Variants in IL17RA observed in about 807,000 individuals in gnomAD.
IL17RA encodes interleukin-17 receptor A.
IL17RA carries 34 observed loss-of-function variants against 50.4 expected under a neutral mutation model. The ratio of observed to expected loss-of-function variants is 0.67; its 90% CI spans 0.51 to 0.90. IL17RA has a LOEUF of 0.90. Ranked by LOEUF, IL17RA falls within the 40% of genes least tolerant of loss-of-function variation. IL17RA has a pLI of 0.00. For synonymous variants in IL17RA, 585 were observed against 510.4 expected, an observed-to-expected ratio of 1.15 and a Z score of -1.97; for missense variants, 1,276 against 1,169.8, an observed-to-expected ratio of 1.09 and a Z score of -1.32.
At chr22:17,091,540 G>A (rs532996719) in intron 1 of IL17RA, among the ~76,000 whole-genome samples, 12 of 152,186 alleles carry the variant, frequency 7.9e-5, no homozygotes, top group South Asian at 4.1e-4. Flanking sequence ...TTAGCCAGGC[G>A]TGGTGGTGGC....
In IL17RA at chr22:17,085,196, C is replaced by G. The variant is rs887188602; in HGVS notation, c.105C>G (p.Leu35=). The G allele has an allele frequency of 2.4e-5, 37 of 1,531,568 alleles. No individual in the cohort carries two copies. The highest frequency in any genetic ancestry group is 2.9e-5 in the Non-Finnish European group (33 of 1,143,930). 94.9% of individuals were successfully genotyped at this position (1,531,568 alleles called of 1,614,324 possible). The change falls in exon 1 of 13, where the codon CTC becomes CTG. Residue 35 remains leucine, a synonymous_variant. Transcript: ENST00000319363. The part of the protein sequence containing the change: ...VLAPGGASLR[L]LDHRALVCSQ... ...CCCCGGGTGGCGCCTCCCTGCGACTCCTGGACCACCGGGCGCTGGTCTGCT... is the reference window on the plus strand; with the variant it reads ...CCCCGGGTGGCGCCTCCCTGCGACTGCTGGACCACCGGGCGCTGGTCTGCT...
At chr22:17,098,069 G>A in intron 3 of IL17RA, 126 bp downstream of exon 3, 1 of 1,104,116 alleles carries the variant, frequency 9.1e-7, no homozygotes, top group South Asian at 1.3e-5. Context: ...AGTGCTATAA[G>A]GATCCGTCAT....
At position 17,100,444 on chromosome 22, in the gene IL17RA, G is replaced by T. The variant is rs1376665244; in HGVS notation, c.513G>T (p.Gly171=). The change falls in exon 5 of 13, where the codon GGG becomes GGT. Residue 171 remains glycine (G), a synonymous_variant. Transcript: ENST00000319363. Reference sequence around the variant, plus strand: ...ACCTGCCCAAGCCCATCCCTGATGGGGACCCAAACCACCAGTCCAAGAATT... The same window carrying T: ...ACCTGCCCAAGCCCATCCCTGATGGTGACCCAAACCACCAGTCCAAGAATT... The part of the protein sequence containing the change: ...VHHLPKPIPD[G]DPNHQSKNFL... The T allele has an allele frequency of 6.2e-7, 1 of 1,614,094 alleles. No individual in the cohort carries two copies. Among genetic ancestry groups the T allele is most frequent in the Non-Finnish European group, 8.5e-7 (1 of 1,180,014 alleles).
intron 3 of IL17RA, 74 bp from the exon 4 acceptor site, chr22:17,098,701 T>C: frequency 8.6e-7 from 1 of 1,168,682 alleles, no homozygotes; most frequent in East Asian, 2.4e-5. Flanking sequence ...CCGCAACAGA[T>C]AGGGAAGTGA....
chr22:17,103,623 C>T, intron 8 of IL17RA, 46 bp downstream of exon 8: 1 of 1,459,854 alleles, frequency 6.9e-7, no homozygotes, highest in Non-Finnish European at 9.5e-7. Flanking sequence ...AAACAGGTGG[C>T]AATTATAGAG....
At chr22:17,094,677 C>CTATATATATATGTGTATATATA in intron 1 of IL17RA, among the ~76,000 whole-genome samples, 1 of 49,346 alleles carries the variant, frequency 2.0e-5, no homozygotes, top group African/African-American at 9.9e-5. Context: ...CTCTCTCTCT[C>CTATATATATATGTGTATATATA]TCTCTCTCTC....
chr22:17,108,132 C>T (rs1175681604), intron 12 of IL17RA, among the ~76,000 whole-genome samples, 175 bp from the exon 13 acceptor site: 4 of 152,224 alleles, frequency 2.6e-5, no homozygotes, highest in Non-Finnish European at 5.9e-5. Flanking sequence ...TTTTTTCAGG[C>T]AGCCAAAGGT....
In IL17RA at chr22:17,109,658, A is replaced by G. The variant is rs1555874969; in HGVS notation, c.2439A>G (p.Glu813=). Residue 813 remains glutamate (E), a synonymous_variant, in exon 13 of 13, where the codon GAA becomes GAG. Coordinates refer to ENST00000319363, the MANE Select transcript of IL17RA (RefSeq NM_014339.7). ...QPPEGLTEME[E]EEEEEQDPGK... is the part of the protein sequence containing the mutation. ...CCGAGGGACTCACGGAAATGGAGGA[A>G]GAGGAGGAAGAGGAGCAGGACCCAG... 1 of 1,600,754 alleles carries G rather than the reference A, an allele frequency of 6.2e-7. No homozygotes were observed. The highest frequency in any genetic ancestry group is 8.5e-7 in the Non-Finnish European group (1 of 1,174,522).
At position 17,108,689 on chromosome 22, in the gene IL17RA, C is replaced by A. The variant is rs1256430189; in HGVS notation, c.1470C>A (p.Phe490Leu). Residue 490 changes from phenylalanine (F) to leucine (L), a missense_variant, in exon 13 of 13, where the codon TTC (phenylalanine) becomes TTA (leucine). Physicochemically the swap from Phe to Leu is conservative, Grantham distance 22 (BLOSUM62 0). Transcript: ENST00000319363. ...TAAMNMILPD[F>L]KRPACFGTYV... ...CCATGAACATGATCCTCCCGGACTTCAAGAGGCCAGCCTGCTTCGGCACCT... is the reference window on the plus strand; with the variant it reads ...CCATGAACATGATCCTCCCGGACTTAAAGAGGCCAGCCTGCTTCGGCACCT... 6.2e-7 allele frequency: 1 copy of A among 1,609,258 alleles called. No individual in the cohort carries two copies. Among genetic ancestry groups the A allele is most frequent in the East Asian group, 2.2e-5 (1 of 44,870 alleles).
At chr22:17,107,588 C>T (rs573182234) in intron 11 of IL17RA, 139 bp from the exon 12 acceptor site, 2 of 749,470 alleles carry the variant, frequency 2.7e-6, no homozygotes, top group East Asian at 2.6e-5. Context: ...GTGCGACCAC[C>T]TAGCACGGCC....
rs768788527 is a variant in IL17RA at position 17,109,416 on chromosome 22, C to A, written c.2197C>A (p.Pro733Thr). The A allele has an allele frequency of 6.2e-7, 1 of 1,613,316 alleles. No homozygotes were observed. The highest frequency in any genetic ancestry group is 1.1e-5 in the South Asian group (1 of 91,046). Residue 733 changes from proline (P) to threonine (T), a missense_variant, in exon 13 of 13, where the codon CCC (proline) becomes ACC (threonine). Transcript: ENST00000319363. ...PEDSPLGSST[P>T]MASPDLLPED... The stretch of plus-strand genomic sequence containing the variant: ...GGACTCGCCCCTTGGCAGCAGCACC[C>A]CCATGGCGTCTCCTGACCTCCTTCC...
chr22:17,098,370 A>G (rs1426873863), intron 3 of IL17RA, among the ~76,000 whole-genome samples: 3 of 152,196 alleles, frequency 2.0e-5, no homozygotes, highest in African/African-American at 4.8e-5. Context: ...ATTGGGGCTT[A>G]TGAGCACTAG....
Position 17,108,608 on chromosome 22 carries a change from G to A in IL17RA, c.1389G>A (p.Ala463=), listed in dbSNP as rs1198735719. ...GGCAGGCGCTCCTGGGCCGGGGGGC[G>A]CCTGTGCGGCTGCGCTGCGACCACG... ...AKWQALLGRG[A]PVRLRCDHGK... is the part of the protein sequence containing the mutation. The change falls in exon 13 of 13, where the codon GCG becomes GCA. Residue 463 remains alanine, a synonymous_variant. Transcript: ENST00000319363. 3 of 1,604,374 alleles carry A rather than the reference G, an allele frequency of 1.9e-6. No individual in the cohort carries two copies. Among genetic ancestry groups the A allele is most frequent in the African/African-American group, 2.7e-5 (2 of 74,918 alleles).
chr22:17,100,269 G>A, intron 4 of IL17RA, 86 bp from the exon 5 acceptor site: 2 of 1,523,976 alleles, frequency 1.3e-6, no homozygotes. Flanking sequence ...ATATTCGGGA[G>A]TGGGTGGGAA....
intron 12 of IL17RA, 54 bp from the exon 13 acceptor site, chr22:17,108,253 G>C: frequency 6.3e-7 from 1 of 1,580,930 alleles, no homozygotes; most frequent in East Asian, 2.2e-5. Flanking sequence ...GGCAGGCACA[G>C]AGCTGCCCTG....
chr22:17,093,435 T>C (rs1207456761), intron 1 of IL17RA, among the ~76,000 whole-genome samples: 2 of 152,202 alleles, frequency 1.3e-5, no homozygotes, highest in African/African-American at 2.4e-5. Flanking sequence ...CTGAACGTTA[T>C]AAGGTTCTGA....
chr22:17,086,815 G>T (rs1169716809), intron 1 of IL17RA, among the ~76,000 whole-genome samples: 1 of 152,232 alleles, frequency 6.6e-6, no homozygotes, highest in Non-Finnish European at 1.5e-5. Flanking sequence ...CCTGAGCCAA[G>T]GTCCTTAAGT....
intron 1 of IL17RA, among the ~76,000 whole-genome samples, chr22:17,093,457 C>T (rs985900117): frequency 7.9e-5 from 12 of 152,200 alleles, no homozygotes; most frequent in African/African-American, 2.9e-4. Flanking sequence ...GGGCCCCTGG[C>T]CTCCTTATCA....
chr22:17,085,004 C>A lies in IL17RA; in HGVS notation c.-88C>A, dbSNP rs1376792350. ...GGAAGCGAGCAAAGTGGAGCCGACT[C>A]GAACTCCACCGCGGAAAAGAAAGCC... is the stretch of plus-strand genomic sequence containing the variant. On this transcript the variant is annotated 5_prime_UTR_variant, in exon 1 of 13. Coordinates refer to ENST00000319363, the MANE Select transcript of IL17RA (RefSeq NM_014339.7). The A allele has an allele frequency of 8.0e-7, 1 of 1,255,020 alleles. No homozygotes were observed. The highest frequency in any genetic ancestry group is 1.0e-6 in the Non-Finnish European group (1 of 993,002). 77.7% of individuals were successfully genotyped at this position (1,255,020 alleles called of 1,614,324 possible). A position where few individuals can be genotyped will look rare whatever the true frequency, so the allele number is the denominator to read the frequency against.
Sources: allele counts gnomAD v4.1 joint callset (sites outside exome capture counted in the v4.1 genomes callset), GRCh38; gene constraint gnomAD v4.1.1; transcripts MANE v1.5; gene names NCBI Gene and HGNC (gene_info 2026-07-23, HGNC 2026-07-21).